LINGO2: variants seen among roughly 807,000 people sequenced by gnomAD.
LINGO2 encodes leucine rich repeat and Ig domain containing 2, also known as leucine-rich repeat and immunoglobulin-like domain-containing nogo receptor-interacting protein 2.
LINGO2 carries 14 observed loss-of-function variants against 30.6 expected under a neutral mutation model. The observed-to-expected ratio is 0.46, with a 90% confidence interval of 0.30 to 0.72. LINGO2 has a LOEUF of 0.72. Ranked by LOEUF, LINGO2 falls within the 30% of genes least tolerant of loss-of-function variation. The pLI, the probability that LINGO2 is intolerant of heterozygous loss-of-function variation, is 0.07. For synonymous variants in LINGO2, 317 were observed against 288.5 expected, an observed-to-expected ratio of 1.10 and a Z score of -1.00; for missense variants, 729 against 751.7, an observed-to-expected ratio of 0.97 and a Z score of 0.35.
the LINGO2 span, among the ~76,000 whole-genome samples, chr9:28,831,074 A>C: frequency 6.6e-6 from 1 of 152,204 alleles, no homozygotes; most frequent in Admixed American, 6.5e-5. Context: ...TTTGGTATGT[A>C]AGGGATTCTG....
chr9:28,451,750 T>G (rs546809569), intron 2 of LINGO2, among the ~76,000 whole-genome samples: 1 of 151,744 alleles, frequency 6.6e-6, no homozygotes. Flanking sequence ...GTGTTATATC[T>G]GATATTATAA....
chr9:28,981,432 T>C, the LINGO2 span, among the ~76,000 whole-genome samples: 28 of 152,304 alleles, frequency 1.8e-4, no homozygotes, highest in African/African-American at 6.7e-4. Flanking sequence ...ATTTCCTTAA[T>C]GCACTCATGA....
chr9:28,043,456 G>A (rs978979021), intron 4 of LINGO2, among the ~76,000 whole-genome samples: 9 of 152,208 alleles, frequency 5.9e-5, no homozygotes, highest in African/African-American at 2.2e-4. Flanking sequence ...TGCAGTGGTT[G>A]AAGGTGAGGG....
chr9:29,034,510 G>A, the LINGO2 span, among the ~76,000 whole-genome samples: 1 of 152,002 alleles, frequency 6.6e-6, no homozygotes, highest in Non-Finnish European at 1.5e-5. Context: ...ATTAATCTCT[G>A]CCATATTTTT....
chr9:28,052,796 A>G (rs1563945493), intron 4 of LINGO2, among the ~76,000 whole-genome samples: 1 of 152,118 alleles, frequency 6.6e-6, no homozygotes, highest in Non-Finnish European at 1.5e-5. Flanking sequence ...TCTCAAGTAC[A>G]TGACATTTGG....
chr9:28,553,555 C>G (rs1022828182), intron 1 of LINGO2, among the ~76,000 whole-genome samples: 2 of 152,070 alleles, frequency 1.3e-5, no homozygotes, highest in Non-Finnish European at 2.9e-5. Context: ...GAGAATGGAA[C>G]CAAGTTGGAA....
At chr9:28,703,525 C>G in the LINGO2 span, among the ~76,000 whole-genome samples, 21 of 151,492 alleles carry the variant, frequency 1.4e-4, no homozygotes, top group Non-Finnish European at 1.5e-5. Flanking sequence ...TCTGGACTAT[C>G]TTGGTGAATA....
intron 1 of LINGO2, among the ~76,000 whole-genome samples, chr9:28,583,015 G>T (rs1824338442): frequency 6.6e-6 from 1 of 151,982 alleles, no homozygotes; most frequent in Non-Finnish European, 1.5e-5. Flanking sequence ...TTTTGGAACA[G>T]AGGACAATCA....
At chr9:28,954,012 TA>T in the LINGO2 span, among the ~76,000 whole-genome samples, 1 of 152,148 alleles carries the variant, frequency 6.6e-6, no homozygotes, top group Non-Finnish European at 1.5e-5. Context: ...AAATTACCGC[TA>T]ATCTTATCCG....
the LINGO2 span, among the ~76,000 whole-genome samples, chr9:29,083,958 A>G: frequency 6.6e-6 from 1 of 152,070 alleles, no homozygotes; most frequent in African/African-American, 2.4e-5. Context: ...TTCATCCCTA[A>G]GAACTTCATC....
At chr9:28,821,694 AC>A in the LINGO2 span, among the ~76,000 whole-genome samples, 1 of 152,236 alleles carries the variant, frequency 6.6e-6, no homozygotes, top group Non-Finnish European at 1.5e-5. Flanking sequence ...AGCCCATACC[AC>A]AGAGTAAAGA....
intron 1 of LINGO2, among the ~76,000 whole-genome samples, chr9:28,538,760 G>A (rs1821544346): frequency 6.6e-6 from 1 of 152,066 alleles, no homozygotes. Flanking sequence ...ATTCATTCGT[G>A]AATGTGGAGT....
At chr9:28,499,349 A>T (rs768493958) in intron 1 of LINGO2, among the ~76,000 whole-genome samples, 1 of 152,180 alleles carries the variant, frequency 6.6e-6, no homozygotes, top group African/African-American at 2.4e-5. Flanking sequence ...TTCAATATGT[A>T]TATAAGAATA....
the LINGO2 span, among the ~76,000 whole-genome samples, chr9:29,048,417 A>G: frequency 2.6e-5 from 4 of 151,982 alleles, no homozygotes; most frequent in Non-Finnish European, 5.9e-5. Flanking sequence ...TACAGCTTCA[A>G]TGCAATCCCT....
At chr9:28,666,478 T>G (rs897826660) in intron 1 of LINGO2, among the ~76,000 whole-genome samples, 2 of 152,144 alleles carry the variant, frequency 1.3e-5, no homozygotes, top group African/African-American at 4.8e-5. Context: ...CATAAAATAT[T>G]TGACATTAAT....
chr9:28,828,775 C>T, the LINGO2 span, among the ~76,000 whole-genome samples: 2 of 152,038 alleles, frequency 1.3e-5, no homozygotes, highest in Non-Finnish European at 1.5e-5. Flanking sequence ...AGATGCTGAA[C>T]CTTCAGAGGA....
chr9:27,981,355 C>T (rs1447102932), intron 5 of LINGO2, among the ~76,000 whole-genome samples: 1 of 151,144 alleles, frequency 6.6e-6, no homozygotes, highest in Non-Finnish European at 1.5e-5. Context: ...TAACTTTCCC[C>T]TTATCACACA....
intron 4 of LINGO2, among the ~76,000 whole-genome samples, chr9:28,206,422 A>G (rs1377083484): frequency 6.6e-6 from 1 of 152,166 alleles, no homozygotes; most frequent in Non-Finnish European, 1.5e-5. Flanking sequence ...ATACTTTTAA[A>G]CAGTGCTTTG....
intron 4 of LINGO2, among the ~76,000 whole-genome samples, chr9:28,190,381 C>A (rs4878211): frequency 6.6e-6 from 1 of 151,948 alleles, no homozygotes; most frequent in Non-Finnish European, 1.5e-5. Context: ...TGCAATGAAC[C>A]GAATATTTTT....
Sources: allele counts gnomAD v4.1 joint callset (sites outside exome capture counted in the v4.1 genomes callset), GRCh38; gene constraint gnomAD v4.1.1; transcripts MANE v1.5; gene names NCBI Gene and HGNC (gene_info 2026-07-23, HGNC 2026-07-21).